The following GPC5 variants were observed in gnomAD, a reference collection of about 807,000 sequenced individuals.
The protein encoded by GPC5 is glypican-5.
A neutral mutation model predicts 53.9 loss-of-function variants in GPC5; 47 were observed. The observed-to-expected ratio is 0.87, with a 90% CI of 0.69 to 1.11. The LOEUF (loss-of-function observed/expected upper bound fraction) is 1.11, where lower values mean the gene tolerates loss of function less well. Ranked by LOEUF, GPC5 falls within the 50% of genes most tolerant of loss-of-function variation. GPC5 has a pLI of 0.00. For synonymous variants in GPC5, 286 were observed against 263.3 expected, an observed-to-expected ratio of 1.09 and a Z score of -0.84; for missense variants, 748 against 713.1, an observed-to-expected ratio of 1.05 and a Z score of -0.56.
rs573324152 is a variant in GPC5 at position 92,817,301 on chromosome 13, A to G, written c.1562-48981A>G. 2.9e-4 allele frequency among the ~76,000 whole-genome samples: 44 copies of G among 152,162 alleles called. 3 individuals are homozygous for G. Among genetic ancestry groups the G allele is most frequent in the African/African-American group, 1.0e-3 (43 of 41,434 alleles). ...TAAATCTACAATTCTGCAGCAGGAAAAAGTAGTATAAATCTACAATTCCAA... is the reference window on the plus strand; with the variant it reads ...TAAATCTACAATTCTGCAGCAGGAAGAAGTAGTATAAATCTACAATTCCAA... On this transcript the variant is annotated intron_variant, in intron 7 of 7. Coordinates refer to ENST00000377067, the MANE Select transcript of GPC5 (RefSeq NM_004466.6).
At chr13:92,601,330 C>T (rs559031165) in intron 7 of GPC5, among the ~76,000 whole-genome samples, 3 of 151,846 alleles carry the variant, frequency 2.0e-5, no homozygotes, top group Admixed American at 6.6e-5. Flanking sequence ...CGGAGGCAGG[C>T]GGATCACCTG....
chr13:92,165,113 C>G (rs1170380828), intron 7 of GPC5, among the ~76,000 whole-genome samples: 1 of 152,194 alleles, frequency 6.6e-6, no homozygotes, highest in Non-Finnish European at 1.5e-5. Flanking sequence ...CTGACATGCC[C>G]TGGAGACATT....
At chr13:91,631,122 T>C (rs2139424326) in intron 2 of GPC5, among the ~76,000 whole-genome samples, 1 of 152,016 alleles carries the variant, frequency 6.6e-6, no homozygotes, top group South Asian at 2.1e-4. Context: ...AGACACAGAG[T>C]GGAATTTAGG....
intron 1 of GPC5, among the ~76,000 whole-genome samples, chr13:91,441,931 A>G (rs1412625411): frequency 1.3e-5 from 2 of 152,170 alleles, no homozygotes; most frequent in Non-Finnish European, 2.9e-5. Flanking sequence ...CTTGATCTCA[A>G]TGTATTGGTA....
intron 5 of GPC5, among the ~76,000 whole-genome samples, chr13:91,860,139 T>C (rs1292211526): frequency 2.0e-5 from 3 of 152,178 alleles, no homozygotes; most frequent in Non-Finnish European, 4.4e-5. Context: ...TGTCATACCA[T>C]AGTAGTATAG....
intron 7 of GPC5, among the ~76,000 whole-genome samples, chr13:92,359,070 A>T (rs1177749697): frequency 6.6e-6 from 1 of 151,734 alleles, no homozygotes; most frequent in Non-Finnish European, 1.5e-5. Flanking sequence ...TTTAAATATA[A>T]GTTTCAGTTT....
chr13:92,296,301 C>G (rs889257630), intron 7 of GPC5, among the ~76,000 whole-genome samples: 13 of 151,852 alleles, frequency 8.6e-5, no homozygotes, highest in African/African-American at 3.1e-4. Context: ...TGGGGAGGAA[C>G]AACGTTGGGT....
At chr13:91,854,355 C>T (rs1262549743) in intron 5 of GPC5, among the ~76,000 whole-genome samples, 3 of 151,658 alleles carry the variant, frequency 2.0e-5, no homozygotes, top group Non-Finnish European at 4.4e-5. Context: ...AAAATTGGGT[C>T]TGCATCCCCT....
Position 92,379,450 on chromosome 13 carries a change from C to A in GPC5, c.1561+234461C>A, listed in dbSNP as rs9589526. Among the ~76,000 whole-genome samples, 1,033 of 152,282 alleles carry A rather than the reference C, an allele frequency of 6.8e-3. 13 individuals carry two copies. The highest frequency in any genetic ancestry group is 0.024 in the African/African-American group (977 of 41,560). Reference sequence around the variant, plus strand: ...AGAAAAGAGGCAAAAGCCATTTGCACGATTAGCACTATTAATTCTCTCTCT... The same window carrying A: ...AGAAAAGAGGCAAAAGCCATTTGCAAGATTAGCACTATTAATTCTCTCTCT... On this transcript the variant is annotated intron_variant, in intron 7 of 7. Coordinates refer to ENST00000377067, the MANE Select transcript of GPC5 (RefSeq NM_004466.6).
intron 7 of GPC5, among the ~76,000 whole-genome samples, chr13:92,166,364 A>G (rs1269556805): frequency 2.6e-5 from 4 of 152,246 alleles, no homozygotes; most frequent in Non-Finnish European, 4.4e-5. Context: ...CTAGCCCTAT[A>G]AAATCAAGAA....
At chr13:92,570,964 A>G (rs1358354510) in intron 7 of GPC5, among the ~76,000 whole-genome samples, 1 of 152,128 alleles carries the variant, frequency 6.6e-6, no homozygotes, top group Non-Finnish European at 1.5e-5. Flanking sequence ...TGACTGCTCA[A>G]TGTTTTTCTC....
chr13:92,043,460 A>G (rs781092472), intron 6 of GPC5, among the ~76,000 whole-genome samples: 2 of 152,318 alleles, frequency 1.3e-5, no homozygotes, highest in Non-Finnish European at 2.9e-5. Context: ...GTAATGGGCC[A>G]TGGAAATTGG....
chr13:92,799,708 T>C (rs1427897552), intron 7 of GPC5, among the ~76,000 whole-genome samples: 1 of 151,838 alleles, frequency 6.6e-6, no homozygotes, highest in Non-Finnish European at 1.5e-5. Flanking sequence ...CTGTTTGTGT[T>C]AATACTACCA....
At chr13:92,060,049 T>A (rs1434543849) in intron 6 of GPC5, 1 of 152,022 alleles carries the variant, frequency 6.6e-6, no homozygotes, top group Non-Finnish European at 1.5e-5. Flanking sequence ...TTTTCATATT[T>A]ATGTTGGATT....
chr13:92,278,882 T>C (rs2042893999), intron 7 of GPC5, among the ~76,000 whole-genome samples: 1 of 152,098 alleles, frequency 6.6e-6, no homozygotes, highest in African/African-American at 2.4e-5. Flanking sequence ...ATTCCATTGG[T>C]CTATATGTCT....
chr13:91,400,949 G>A lies in GPC5; in HGVS notation c.163+1740G>A, dbSNP rs3848047. ...ATGACACACAAAAAAGTTCCATGACGACAAGGAATCTTTCTTTTCTAAGTC... is the reference window on the plus strand; with the variant it reads ...ATGACACACAAAAAAGTTCCATGACAACAAGGAATCTTTCTTTTCTAAGTC... On this transcript the variant is annotated intron_variant, in intron 1 of 7. Coordinates refer to ENST00000377067, the MANE Select transcript of GPC5 (RefSeq NM_004466.6). Among the ~76,000 whole-genome samples, 221 of 152,268 alleles carry A rather than the reference G, an allele frequency of 1.5e-3. 1 individual carries two copies. The highest frequency in any genetic ancestry group is 4.8e-3 in the African/African-American group (199 of 41,548).
intron 7 of GPC5, among the ~76,000 whole-genome samples, chr13:92,765,273 T>C (rs919316542): frequency 4.6e-5 from 7 of 152,166 alleles, no homozygotes; most frequent in Admixed American, 1.3e-4. Flanking sequence ...AAGAACAGAT[T>C]CATGGCTGCT....
At chr13:92,631,301 T>A (rs1885228603) in intron 7 of GPC5, among the ~76,000 whole-genome samples, 1 of 152,148 alleles carries the variant, frequency 6.6e-6, no homozygotes, top group Non-Finnish European at 1.5e-5. Context: ...GTGTGCAATA[T>A]CATATTACTT....
At chr13:92,861,619 C>T (rs1879186690) in intron 7 of GPC5, among the ~76,000 whole-genome samples, 1 of 152,128 alleles carries the variant, frequency 6.6e-6, no homozygotes, top group Non-Finnish European at 1.5e-5. Flanking sequence ...CATCTTTTTG[C>T]TGCAATCTAT....
Sources: allele counts gnomAD v4.1 joint callset (sites outside exome capture counted in the v4.1 genomes callset), GRCh38; gene constraint gnomAD v4.1.1; transcripts MANE v1.5; gene names NCBI Gene and HGNC (gene_info 2026-07-23, HGNC 2026-07-21).